MBNL1: variants seen among roughly 807,000 people sequenced by gnomAD.
MBNL1 encodes the protein muscleblind-like protein 1.
A neutral mutation model predicts 42.2 loss-of-function variants in MBNL1; 8 were observed. The ratio of observed to expected loss-of-function variants is 0.19; its 90% CI spans 0.11 to 0.34. The LOEUF is 0.34. Among genes scored for constraint, MBNL1 ranks in the 10% least tolerant of loss-of-function variants. The probability of loss-of-function intolerance (pLI) is 1.00; values close to 1 mark genes in which losing one functional copy is unlikely to be tolerated. For synonymous variants in MBNL1, 169 were observed against 173.9 expected (o/e 0.97, Z 0.22); for missense variants, 309 against 495.3 (o/e 0.62, Z 3.57).
intron 2 of MBNL1, among the ~76,000 whole-genome samples, chr3:152,305,649 A>G (rs2062715293): frequency 6.6e-6 from 1 of 152,208 alleles, no homozygotes; most frequent in African/African-American, 2.4e-5. Context: ...GATGATAGTT[A>G]TTAGCATGTA....
intron 2 of MBNL1, among the ~76,000 whole-genome samples, chr3:152,381,093 T>A (rs1028769824): frequency 2.6e-5 from 4 of 152,070 alleles, no homozygotes; most frequent in African/African-American, 9.7e-5. Flanking sequence ...AAACTAAGAT[T>A]TTATAATAGA....
At chr3:152,275,592 C>T (rs2044548444) in intron 1 of MBNL1, among the ~76,000 whole-genome samples, 1 of 151,332 alleles carries the variant, frequency 6.6e-6, no homozygotes, top group Admixed American at 6.6e-5. Context: ...GCCTGTAATC[C>T]CAGTTACTTG....
At chr3:152,347,943 A>C (rs193028658) in intron 2 of MBNL1, among the ~76,000 whole-genome samples, 1 of 152,256 alleles carries the variant, frequency 6.6e-6, no homozygotes, top group East Asian at 1.9e-4. Flanking sequence ...GAACAGTAAA[A>C]TTGAAAATGT....
At chr3:152,423,529 T>C (rs2098840705) in intron 3 of MBNL1, among the ~76,000 whole-genome samples, 1 of 152,186 alleles carries the variant, frequency 6.6e-6, no homozygotes, top group African/African-American at 2.4e-5. Flanking sequence ...TACCATTCTT[T>C]CTGAAACTAT....
chr3:152,447,294 TTTC>T (rs1711517177), intron 5 of MBNL1, among the ~76,000 whole-genome samples: 1 of 152,178 alleles, frequency 6.6e-6, no homozygotes, highest in Non-Finnish European at 1.5e-5. Flanking sequence ...CAGTGCGGCT[TTTC>T]TTCTTTTCCC....
chr3:152,315,917 G>A (rs190797992), intron 2 of MBNL1, among the ~76,000 whole-genome samples: 57 of 151,766 alleles, frequency 3.8e-4, no homozygotes, highest in African/African-American at 1.2e-3. Context: ...ACATATGCGC[G>A]CGCACACACC....
chr3:152,276,106 G>C (rs1329427674), intron 1 of MBNL1, among the ~76,000 whole-genome samples: 3 of 152,072 alleles, frequency 2.0e-5, no homozygotes, highest in African/African-American at 7.2e-5. Flanking sequence ...ATCATGACTA[G>C]AACAATTTTT....
At chr3:152,313,830 T>C (rs1560102298) in intron 2 of MBNL1, among the ~76,000 whole-genome samples, 1 of 152,224 alleles carries the variant, frequency 6.6e-6, no homozygotes, top group Non-Finnish European at 1.5e-5. Flanking sequence ...TCTTAACATA[T>C]GTATGACTTG....
intron 5 of MBNL1, among the ~76,000 whole-genome samples, chr3:152,446,479 G>A (rs929123598): frequency 3.9e-5 from 6 of 151,926 alleles, no homozygotes; most frequent in African/African-American, 1.2e-4. Context: ...ACTACAAAGA[G>A]GAGTTATCCT....
At chr3:152,340,670 T>G in intron 2 of MBNL1, 1 of 1,614,046 alleles carries the variant, frequency 6.2e-7, no homozygotes, top group East Asian at 2.2e-5. Context: ...AGAATCTTAT[T>G]CGCATAATAC....
chr3:152,437,669 A>G (rs970140539), intron 4 of MBNL1, among the ~76,000 whole-genome samples: 3 of 152,160 alleles, frequency 2.0e-5, no homozygotes, highest in Non-Finnish European at 1.5e-5. Flanking sequence ...CATATATCAC[A>G]TATACACACA....
intron 2 of MBNL1, among the ~76,000 whole-genome samples, chr3:152,312,982 A>G (rs1358810107): frequency 2.6e-5 from 4 of 152,188 alleles, no homozygotes; most frequent in African/African-American, 9.7e-5. Flanking sequence ...TAGGATCTTC[A>G]GAATAATTGC....
intron 4 of MBNL1, among the ~76,000 whole-genome samples, chr3:152,443,026 T>A (rs1015353450): frequency 3.3e-5 from 5 of 152,140 alleles, no homozygotes; most frequent in Admixed American, 6.5e-5. Context: ...TTGACTAAGT[T>A]TTTTTTAACC....
intron 2 of MBNL1, among the ~76,000 whole-genome samples, chr3:152,354,383 A>G (rs910786358): frequency 2.0e-5 from 3 of 152,172 alleles, no homozygotes; most frequent in African/African-American, 7.2e-5. Context: ...TGATGCCATG[A>G]GGTGGAGGCT....
At chr3:152,376,478 T>A (rs1442289474) in intron 2 of MBNL1, among the ~76,000 whole-genome samples, 2 of 152,180 alleles carry the variant, frequency 1.3e-5, no homozygotes, top group Non-Finnish European at 2.9e-5. Flanking sequence ...TTATGTGTGG[T>A]TCATCCGTAA....
In MBNL1 at chr3:152,456,272, A is replaced by G. The variant is rs1332083857; in HGVS notation, c.1003A>G (p.Met335Val). The stretch of plus-strand genomic sequence containing the variant: ...TATGATTTTCCCTCCGAAAGTTCCC[A>G]TGGTGCACGGTGCTACGCCAGCCAC... ...CMTPATSVVP[M>V]VHGATPATVS... The change falls in exon 8 of 10, where the codon ATG becomes GTG. Residue 335 changes from methionine (M) to valine (V), a missense_variant. Met to Val is a conservative substitution (Grantham distance 21). Coordinates refer to ENST00000324210, the MANE Select transcript of MBNL1 (RefSeq NM_021038.5). 6.2e-7 allele frequency: 1 copy of G among 1,612,598 alleles called. No homozygotes were observed. The highest frequency in any genetic ancestry group is 2.2e-5 in the East Asian group (1 of 44,872).
intron 2 of MBNL1, among the ~76,000 whole-genome samples, chr3:152,337,243 A>G (rs926683677): frequency 1.3e-5 from 2 of 152,208 alleles, no homozygotes; most frequent in Non-Finnish European, 1.5e-5. Context: ...ACAAGCTATT[A>G]TCATCTCCTT....
intron 2 of MBNL1, among the ~76,000 whole-genome samples, chr3:152,318,065 G>A (rs984790482): frequency 6.6e-6 from 1 of 152,218 alleles, no homozygotes; most frequent in Non-Finnish European, 1.5e-5. Context: ...AGGATACAGA[G>A]AAAATTGATG....
rs547736776 is a variant in MBNL1, at chr3:152,394,767, T to A, written c.175-20174T>A. On this transcript the variant is annotated intron_variant, in intron 2 of 9. Coordinates refer to ENST00000324210, the MANE Select transcript of MBNL1 (RefSeq NM_021038.5). ...GGACAGGTGTCAGATGGAGCCTGACTCTGGGAGACCTTTAGATGGGTGTTA... is the reference window on the plus strand; with the variant it reads ...GGACAGGTGTCAGATGGAGCCTGACACTGGGAGACCTTTAGATGGGTGTTA... Among the ~76,000 whole-genome samples the A allele has an allele frequency of 2.0e-5, 3 of 152,356 alleles. No individual in the cohort carries two copies. In the East Asian group the frequency reaches 5.8e-4, roughly 29 times the overall value.
Sources: gnomAD v4.1 joint callset for allele counts (sites outside exome capture counted in the v4.1 genomes callset) on GRCh38, gnomAD v4.1.1 for gene constraint, MANE v1.5 for transcripts, NCBI Gene and HGNC (gene_info 2026-07-23, HGNC 2026-07-21) for gene names.